Variants in BCAT1 observed in about 807,000 individuals in gnomAD.
BCAT1 encodes branched chain amino acid transaminase 1, also known as branched-chain-amino-acid aminotransferase, cytosolic.
In BCAT1, 48 loss-of-function variants were observed where a neutral mutation model predicts 52.4. The ratio of observed to expected loss-of-function variants is 0.92; its 90% CI spans 0.73 to 1.16. The LOEUF is 1.16. Among genes scored for constraint, BCAT1 ranks in the 50% most tolerant of loss-of-function variants. The pLI, the probability that BCAT1 is intolerant of heterozygous loss-of-function variation, is 0.00. For missense variants in BCAT1, 451 were observed against 457.1 expected, an observed-to-expected ratio of 0.99 and a Z score of 0.12; for synonymous variants, 167 against 161.3, an observed-to-expected ratio of 1.04 and a Z score of -0.27.
At chr12:24,867,786 C>T (rs1942068222) in intron 5 of BCAT1, among the ~76,000 whole-genome samples, 2 of 152,178 alleles carry the variant, frequency 1.3e-5, no homozygotes, top group African/African-American at 4.8e-5. Flanking sequence ...GGGCAGATCA[C>T]CTGAGGTCAG....
chr12:24,810,080 G>C lies in BCAT1; in HGVS notation c.*7928C>G, dbSNP rs943331704. 3 of 152,120 alleles carry C rather than the reference G, an allele frequency of 2.0e-5. No individual in the cohort carries two copies. Among genetic ancestry groups the C allele is most frequent in the African/African-American group, 7.2e-5 (3 of 41,406 alleles). The allele number at this position is 152,120 out of a possible 1,614,324, so 9.4% of individuals were successfully genotyped here. A position where few individuals can be genotyped will look rare whatever the true frequency, so the allele number is the denominator to read the frequency against. On this transcript the variant is annotated 3_prime_UTR_variant, in exon 11 of 11. Transcript: ENST00000261192. ...CACGAACTTTTCAGAATCCCTAGTG[G>C]CTTAGTGACAAAGACCTTTGGAGAG...
chr12:24,904,173 C>A (rs879790276), intron 1 of BCAT1: 6 of 152,286 alleles, frequency 3.9e-5, no homozygotes, highest in African/African-American at 7.2e-5. Flanking sequence ...GCGAGTGTCC[C>A]TGGAAGTCCA....
At chr12:24,824,752 G>A (rs934248232) in intron 10 of BCAT1, among the ~76,000 whole-genome samples, 1 of 151,924 alleles carries the variant, frequency 6.6e-6, no homozygotes, top group African/African-American at 2.4e-5. Context: ...ATCACTATGG[G>A]CACACTTCTC....
intron 1 of BCAT1, chr12:24,902,280 C>G: frequency 3.8e-6 from 5 of 1,322,776 alleles, no homozygotes; most frequent in Non-Finnish European, 4.8e-6. Flanking sequence ...CGCTCAGCCT[C>G]GTGGTCTTGT....
chr12:24,834,246 T>C (rs571507905), intron 8 of BCAT1: 107 of 983,574 alleles, frequency 1.1e-4, no homozygotes, highest in South Asian at 4.2e-4. Context: ...ATGTATTTTT[T>C]TTCCTAATAT....
intron 7 of BCAT1, among the ~76,000 whole-genome samples, chr12:24,839,420 G>A (rs1260161992): frequency 2.0e-5 from 3 of 152,182 alleles, no homozygotes; most frequent in African/African-American, 7.2e-5. Flanking sequence ...AAGTGACTGT[G>A]AACTCAACCA....
chr12:24,848,702 A>T (rs1197098747), intron 6 of BCAT1, among the ~76,000 whole-genome samples: 1 of 152,232 alleles, frequency 6.6e-6, no homozygotes, highest in Non-Finnish European at 1.5e-5. Flanking sequence ...AAAGAAATCA[A>T]GAGTCAAAAA....
At chr12:24,902,039 G>C (rs1238464495) in intron 1 of BCAT1, 154 bp from the exon 2 acceptor site, 2 of 1,552,738 alleles carry the variant, frequency 1.3e-6, no homozygotes, top group African/African-American at 2.7e-5. Flanking sequence ...ACCCAGGCCC[G>C]AACCTCCAAC....
chr12:24,884,981 G>T (rs1488552672), intron 3 of BCAT1, among the ~76,000 whole-genome samples: 1 of 147,896 alleles, frequency 6.8e-6, no homozygotes, highest in Non-Finnish European at 1.5e-5. Context: ...GCTCGCAAAC[G>T]TTATACTTAA....
chr12:24,906,717 T>C (rs981714153), intron 1 of BCAT1, among the ~76,000 whole-genome samples: 2 of 152,206 alleles, frequency 1.3e-5, no homozygotes, highest in African/African-American at 4.8e-5. Context: ...GGACTGTAAG[T>C]TGCTTACTCC....
In BCAT1 at chr12:24,948,946, A is replaced by T. The variant is rs1363430212; in HGVS notation, c.-14T>A. The T allele has an allele frequency of 1.3e-6, 2 of 1,594,566 alleles. No individual in the cohort carries two copies. The highest frequency in any genetic ancestry group is 1.7e-5 in the Admixed American group (1 of 57,294). Reference sequence around the variant, plus strand: ...AGTTACCTTCATTGTTCCGTCGGCCACGAGGGAAGCTCGAGCTGAGCGGAG... The same window carrying T: ...AGTTACCTTCATTGTTCCGTCGGCCTCGAGGGAAGCTCGAGCTGAGCGGAG... On this transcript the variant is annotated 5_prime_UTR_variant, in exon 1 of 11. Coordinates refer to ENST00000261192, the MANE Select transcript of BCAT1 (RefSeq NM_005504.7).
intron 3 of BCAT1, among the ~76,000 whole-genome samples, chr12:24,889,035 C>T (rs1347655160): frequency 6.6e-6 from 1 of 152,178 alleles, no homozygotes; most frequent in Non-Finnish European, 1.5e-5. Context: ...AAACGTCATA[C>T]CTGATCAAAC....
At chr12:24,866,382 G>A (rs928823894) in intron 5 of BCAT1, among the ~76,000 whole-genome samples, 6 of 151,664 alleles carry the variant, frequency 4.0e-5, no homozygotes, top group East Asian at 1.9e-4. Flanking sequence ...CCCGCCCCCC[G>A]CCACCGCTGT....
In BCAT1 at chr12:24,825,111, TTG is replaced by T. The variant is rs71448088; in HGVS notation, c.1119+4710_1119+4711del. 2.5e-3 allele frequency among the ~76,000 whole-genome samples: 377 copies of T among 148,894 alleles called. 5 individuals are homozygous for T. Among genetic ancestry groups the T allele is most frequent in the African/African-American group, 8.7e-3 (352 of 40,258 alleles). ...TTTTTTATGGCTGAATAGTACCACA[TTG>T]TGTGTGTGTGTGTGTGTGTGTGTAT... On this transcript the variant is annotated intron_variant, in intron 10 of 10. Transcript: ENST00000261192.
chr12:24,903,791 G>T (rs1476395397), intron 1 of BCAT1: 2 of 152,284 alleles, frequency 1.3e-5, no homozygotes, highest in African/African-American at 2.4e-5. Flanking sequence ...AGTACTATTC[G>T]GTTTAGAAAG....
intron 4 of BCAT1, among the ~76,000 whole-genome samples, chr12:24,879,405 G>A (rs1377581502): frequency 6.6e-6 from 1 of 152,028 alleles, no homozygotes; most frequent in African/African-American, 2.4e-5. Flanking sequence ...CTACTAGATG[G>A]GTGATACTTC....
At chr12:24,946,803 G>A (rs186991802) in intron 1 of BCAT1, among the ~76,000 whole-genome samples, 3 of 152,252 alleles carry the variant, frequency 2.0e-5, no homozygotes, top group East Asian at 1.9e-4. Flanking sequence ...AATTGTGATC[G>A]AATGTTTTCA....
chr12:24,908,261 C>A (rs978361246), intron 1 of BCAT1, among the ~76,000 whole-genome samples: 1 of 152,082 alleles, frequency 6.6e-6, no homozygotes, highest in Non-Finnish European at 1.5e-5. Flanking sequence ...ACTTTATATG[C>A]ATTGTGACTG....
intron 6 of BCAT1, among the ~76,000 whole-genome samples, chr12:24,843,502 C>T (rs1941237328): frequency 6.6e-6 from 1 of 152,068 alleles, no homozygotes; most frequent in South Asian, 2.1e-4. Context: ...GCTAGGGAGG[C>T]TGAGGGAGGA....
Sources: gnomAD v4.1 joint callset for allele counts (sites outside exome capture counted in the v4.1 genomes callset) on GRCh38, gnomAD v4.1.1 for gene constraint, MANE v1.5 for transcripts, NCBI Gene and HGNC (gene_info 2026-07-23, HGNC 2026-07-21) for gene names.